IL1RAP: variants seen among roughly 807,000 people sequenced by gnomAD.
IL1RAP encodes interleukin-1 receptor accessory protein.
Under a neutral mutation model 60.7 loss-of-function variants are expected in IL1RAP, and 35 were observed. The observed-to-expected ratio is 0.58, with a 90% confidence interval of 0.44 to 0.76. The LOEUF (loss-of-function observed/expected upper bound fraction) is 0.76. Among genes scored for constraint, IL1RAP ranks in the 30% least tolerant of loss-of-function variants. The pLI is 0.00. For synonymous variants in IL1RAP, 268 were observed against 250.9 expected, an observed-to-expected ratio of 1.07 and a Z score of -0.64; for missense variants, 572 against 693.9, an observed-to-expected ratio of 0.82 and a Z score of 1.97.
chr3:190,539,171 G>C (rs1723722135), intron 1 of IL1RAP, among the ~76,000 whole-genome samples: 1 of 152,056 alleles, frequency 6.6e-6, no homozygotes, highest in South Asian at 2.1e-4. Context: ...CCAGGGGATT[G>C]TATTTAAAGC....
At chr3:190,553,574 C>T in intron 1 of IL1RAP, among the ~76,000 whole-genome samples, 1 of 152,152 alleles carries the variant, frequency 6.6e-6, no homozygotes, top group South Asian at 2.1e-4. Flanking sequence ...GGATGCATAG[C>T]ATTCCCCAGC....
intron 3 of IL1RAP, among the ~76,000 whole-genome samples, chr3:190,569,128 T>C (rs1726685575): frequency 6.6e-6 from 1 of 152,212 alleles, no homozygotes; most frequent in Admixed American, 6.5e-5. Flanking sequence ...GCTGGAAAGG[T>C]AGGTTGGGAA....
intron 1 of IL1RAP, among the ~76,000 whole-genome samples, chr3:190,526,791 T>G (rs948496685): frequency 6.6e-6 from 1 of 152,248 alleles, no homozygotes; most frequent in Non-Finnish European, 1.5e-5. Context: ...ACCAGGCAGT[T>G]TTTTAGTTGT....
chr3:190,637,504 A>G (rs977650930), intron 9 of IL1RAP, among the ~76,000 whole-genome samples: 3 of 152,094 alleles, frequency 2.0e-5, no homozygotes, highest in Non-Finnish European at 4.4e-5. Context: ...CAGTATATCA[A>G]TCCATCTTAT....
chr3:190,528,855 G>C (rs1415606578), intron 1 of IL1RAP, among the ~76,000 whole-genome samples: 2 of 152,220 alleles, frequency 1.3e-5, no homozygotes, highest in Non-Finnish European at 2.9e-5. Context: ...AGAGAGATTG[G>C]TAAGGAGAAG....
chr3:190,638,731 CT>C (rs377247099), intron 9 of IL1RAP, among the ~76,000 whole-genome samples: 1 of 151,782 alleles, frequency 6.6e-6, no homozygotes, highest in Non-Finnish European at 1.5e-5. Flanking sequence ...CATCTCTTTT[CT>C]TTTTTTTCAT....
intron 3 of IL1RAP, among the ~76,000 whole-genome samples, chr3:190,566,333 T>C (rs1319083177): frequency 6.6e-6 from 1 of 152,200 alleles, no homozygotes; most frequent in Non-Finnish European, 1.5e-5. Flanking sequence ...TGTGGTTTTA[T>C]GTCCTCCCTC....
At chr3:190,521,653 T>A (rs1373475803) in intron 1 of IL1RAP, among the ~76,000 whole-genome samples, 2 of 152,066 alleles carry the variant, frequency 1.3e-5, no homozygotes, top group Non-Finnish European at 2.9e-5. Context: ...TACAACCGGG[T>A]ACTGCACGGA....
chr3:190,529,588 G>A (rs959074447), intron 1 of IL1RAP, among the ~76,000 whole-genome samples: 2 of 152,000 alleles, frequency 1.3e-5, no homozygotes, highest in African/African-American at 4.8e-5. Flanking sequence ...GGGAGGCTGA[G>A]GCAGGAGAAT....
At chr3:190,647,032 A>G (rs180693698) in intron 11 of IL1RAP, among the ~76,000 whole-genome samples, 1 of 152,342 alleles carries the variant, frequency 6.6e-6, no homozygotes, top group East Asian at 1.9e-4. Context: ...AAGACCCTCC[A>G]ATAGGGGTTG....
intron 1 of IL1RAP, among the ~76,000 whole-genome samples, chr3:190,526,379 A>G (rs1722514362): frequency 1.3e-5 from 2 of 152,242 alleles, no homozygotes; most frequent in Admixed American, 1.3e-4. Flanking sequence ...GTAAACCTGC[A>G]CATTTATTCA....
downstream of IL1RAP, among the ~76,000 whole-genome samples, chr3:190,653,201 A>G (rs139055169): frequency 0.019 from 2,848 of 152,326 alleles, 99 homozygotes; most frequent in African/African-American, 0.066. Context: ...AATAATTGAT[A>G]CAGATTCAAT....
intron 9 of IL1RAP, among the ~76,000 whole-genome samples, chr3:190,643,332 G>A (rs1286336293): frequency 1.3e-5 from 2 of 152,166 alleles, no homozygotes; most frequent in African/African-American, 4.8e-5. Context: ...CACAGCATGA[G>A]AAACGGGCAT....
chr3:190,571,021 T>C (rs1726875656), intron 3 of IL1RAP, among the ~76,000 whole-genome samples: 1 of 152,172 alleles, frequency 6.6e-6, no homozygotes, highest in Non-Finnish European at 1.5e-5. Flanking sequence ...ATTTAGTCTA[T>C]TTGCCAATTA....
In IL1RAP at chr3:190,606,923, G is replaced by A. The variant is rs924719334; in HGVS notation, c.351-2072G>A. On this transcript the variant is annotated intron_variant, in intron 4 of 11. Transcript: ENST00000447382. Reference sequence around the variant, plus strand: ...CAACTTTGGGAGCTAAAAAAAAGTCGGTTGAACCACTGTTCTTCATATTTT... The same window carrying A: ...CAACTTTGGGAGCTAAAAAAAAGTCAGTTGAACCACTGTTCTTCATATTTT... Among the ~76,000 whole-genome samples, 3 of 151,980 alleles carry A rather than the reference G, an allele frequency of 2.0e-5. No individual in the cohort carries two copies. In the South Asian group the frequency reaches 6.2e-4, roughly 32 times the overall value.
At chr3:190,568,348 A>G (rs1726606144) in intron 3 of IL1RAP, among the ~76,000 whole-genome samples, 1 of 152,154 alleles carries the variant, frequency 6.6e-6, no homozygotes, top group Non-Finnish European at 1.5e-5. Flanking sequence ...GGCTTGCCTG[A>G]TAGAGCCAGG....
chr3:190,596,366 T>C (rs1283368419), intron 3 of IL1RAP, among the ~76,000 whole-genome samples: 1 of 151,674 alleles, frequency 6.6e-6, no homozygotes, highest in African/African-American at 2.4e-5. Flanking sequence ...TTTTTTTTTG[T>C]GCTACCACTC....
chr3:190,547,193 G>A (rs1235772072), intron 1 of IL1RAP, among the ~76,000 whole-genome samples: 1 of 152,152 alleles, frequency 6.6e-6, no homozygotes, highest in African/African-American at 2.4e-5. Flanking sequence ...CAGCTCATTC[G>A]CATTCTGATG....
intron 1 of IL1RAP, among the ~76,000 whole-genome samples, chr3:190,519,597 A>C (rs1222897577): frequency 6.6e-6 from 1 of 151,874 alleles, no homozygotes. Flanking sequence ...TAAATGCCCC[A>C]TCTCTGTATC....
Sources: allele counts gnomAD v4.1 joint callset (sites outside exome capture counted in the v4.1 genomes callset), GRCh38; gene constraint gnomAD v4.1.1; transcripts MANE v1.5; gene names NCBI Gene and HGNC (gene_info 2026-07-23, HGNC 2026-07-21).